Variants in GALNT13 observed in about 807,000 individuals in gnomAD.
GALNT13 encodes UDP-GalNAc:polypeptide N-acetylgalactosaminyltransferase 13.
Under a neutral mutation model 64.2 loss-of-function variants are expected in GALNT13, and 28 were observed. The ratio of observed to expected loss-of-function variants is 0.44; its 90% CI spans 0.32 to 0.60. The LOEUF (loss-of-function observed/expected upper bound fraction) is 0.60. Among genes scored for constraint, GALNT13 ranks in the 20% least tolerant of loss-of-function variants. GALNT13 has a pLI of 0.05. For synonymous variants in GALNT13, 214 were observed against 224.6 expected (o/e 0.95, Z 0.42); for missense variants, 577 against 669.8 (o/e 0.86, Z 1.53).
the GALNT13 span, among the ~76,000 whole-genome samples, chr2:153,810,103 G>C: frequency 6.6e-6 from 1 of 152,096 alleles, no homozygotes; most frequent in Non-Finnish European, 1.5e-5. Flanking sequence ...TGGGACTGCA[G>C]GCGCCCGCCA....
chr2:153,286,049 AAG>A, the GALNT13 span, among the ~76,000 whole-genome samples: 1 of 152,156 alleles, frequency 6.6e-6, no homozygotes, highest in Admixed American at 6.5e-5. Context: ...TAATAGCAGA[AAG>A]AGATGGTCAG....
the GALNT13 span, among the ~76,000 whole-genome samples, chr2:153,777,826 C>T: frequency 1.3e-5 from 2 of 152,084 alleles, no homozygotes; most frequent in Non-Finnish European, 2.9e-5. Context: ...TTTAGCCATC[C>T]GTAGGTGGCT....
At chr2:153,742,418 C>T in the GALNT13 span, among the ~76,000 whole-genome samples, 1 of 151,890 alleles carries the variant, frequency 6.6e-6, no homozygotes, top group African/African-American at 2.4e-5. Flanking sequence ...TTTTCTTTCT[C>T]AAAATTAGTT....
At chr2:153,396,003 T>C in the GALNT13 span, among the ~76,000 whole-genome samples, 1 of 152,172 alleles carries the variant, frequency 6.6e-6, no homozygotes, top group East Asian at 1.9e-4. Context: ...TCTGATGTTA[T>C]ATTGTGAAAA....
chr2:153,470,926 T>C, the GALNT13 span, among the ~76,000 whole-genome samples: 2 of 152,186 alleles, frequency 1.3e-5, no homozygotes. Context: ...GAGCTGAATT[T>C]GTAGAAAATT....
chr2:154,194,475 A>C (rs1022937701), intron 4 of GALNT13, among the ~76,000 whole-genome samples: 3 of 152,208 alleles, frequency 2.0e-5, no homozygotes, highest in Non-Finnish European at 4.4e-5. Context: ...CCTAGATTTT[A>C]GTTCAGCCTT....
At chr2:153,518,837 A>C in the GALNT13 span, among the ~76,000 whole-genome samples, 1 of 152,094 alleles carries the variant, frequency 6.6e-6, no homozygotes, top group South Asian at 2.1e-4. Flanking sequence ...TGGGTTTCAT[A>C]TGAATTGAGA....
At chr2:153,866,366 G>T in the GALNT13 span, among the ~76,000 whole-genome samples, 1 of 152,038 alleles carries the variant, frequency 6.6e-6, no homozygotes, top group Non-Finnish European at 1.5e-5. Context: ...TTTACTGTAC[G>T]AAAGGCACTG....
chr2:153,288,476 A>G, the GALNT13 span, among the ~76,000 whole-genome samples: 14 of 152,190 alleles, frequency 9.2e-5, no homozygotes, highest in Non-Finnish European at 2.1e-4. Context: ...GCCTGATGAA[A>G]TCTCACATTG....
intron 9 of GALNT13, among the ~76,000 whole-genome samples, chr2:154,323,321 A>G (rs1431880400): frequency 1.3e-5 from 2 of 151,898 alleles, no homozygotes; most frequent in Admixed American, 6.6e-5. Context: ...GTAGCAAAGT[A>G]TTTGTGTCCA....
the GALNT13 span, among the ~76,000 whole-genome samples, chr2:153,732,666 T>C: frequency 1.1e-4 from 17 of 152,086 alleles, no homozygotes; most frequent in Non-Finnish European, 2.2e-4. Context: ...CATATTCATG[T>C]AAGTTGAAGA....
chr2:153,786,583 A>T, the GALNT13 span, among the ~76,000 whole-genome samples: 5 of 151,860 alleles, frequency 3.3e-5, no homozygotes, highest in Non-Finnish European at 5.9e-5. Context: ...CACAATTATG[A>T]TACTGAGAGG....
At chr2:153,807,235 A>G in the GALNT13 span, among the ~76,000 whole-genome samples, 1 of 136,294 alleles carries the variant, frequency 7.3e-6, no homozygotes, top group Non-Finnish European at 1.6e-5. Context: ...TATATTAGAT[A>G]GATAGACATA....
chr2:153,138,725 C>G, the GALNT13 span, among the ~76,000 whole-genome samples: 16 of 152,016 alleles, frequency 1.1e-4, no homozygotes, highest in Non-Finnish European at 1.2e-4. Context: ...CTTGAAATAT[C>G]TTCTTCTCCC....
rs1834194 is a variant in GALNT13 at position 154,043,455 on chromosome 2, T to A, written c.143-96882T>A. ...ATATATATATATATATATATATATATACACACATGTATACATAAAAACATG... is the reference window on the plus strand; with the variant it reads ...ATATATATATATATATATATATATAAACACACATGTATACATAAAAACATG... On this transcript the variant is annotated intron_variant, in intron 3 of 12. Transcript: ENST00000392825. Among the ~76,000 whole-genome samples, 2 of 105,004 alleles carry A rather than the reference T, an allele frequency of 1.9e-5. 1 individual carries two copies. The highest frequency in any genetic ancestry group is 3.6e-5 in the Non-Finnish European group (2 of 55,488). The allele number at this position is 105,004 out of a possible 152,430, so 68.9% of individuals were successfully genotyped here.
chr2:153,720,666 A>G, the GALNT13 span, among the ~76,000 whole-genome samples: 1 of 151,730 alleles, frequency 6.6e-6, no homozygotes. Flanking sequence ...TGAAGAATGC[A>G]GAAGCCTCAG....
the GALNT13 span, among the ~76,000 whole-genome samples, chr2:153,298,422 C>A: frequency 6.6e-6 from 1 of 152,102 alleles, no homozygotes; most frequent in Non-Finnish European, 1.5e-5. Flanking sequence ...AGATTCAGTT[C>A]CTGAAGACAT....
chr2:153,737,872 G>T, the GALNT13 span, among the ~76,000 whole-genome samples: 1 of 151,778 alleles, frequency 6.6e-6, no homozygotes, highest in Non-Finnish European at 1.5e-5. Flanking sequence ...TCTAATATAG[G>T]CTACTTAAGT....
rs781028680 is a variant in GALNT13 at position 154,242,082 on chromosome 2, G to A, written c.364G>A (p.Val122Met). ...DELPNTSVVIVFHNEAWSTLL... is the reference protein window; with the variant it reads ...DELPNTSVVIMFHNEAWSTLL... ...ACTTCCAAACACAAGTGTAGTCATT[G>A]TGTTTCATAATGAAGCTTGGAGCAC... The change falls in exon 5 of 13, where the codon GTG becomes ATG. Residue 122 changes from valine to methionine, a missense_variant. Coordinates refer to ENST00000392825, the MANE Select transcript of GALNT13 (RefSeq NM_052917.4). 1 of 1,611,002 alleles carries A rather than the reference G, an allele frequency of 6.2e-7. No individual in the cohort carries two copies. The highest frequency in any genetic ancestry group is 1.7e-5 in the Admixed American group (1 of 59,884).
Sources: allele counts gnomAD v4.1 joint callset (sites outside exome capture counted in the v4.1 genomes callset), GRCh38; gene constraint gnomAD v4.1.1; transcripts MANE v1.5; gene names NCBI Gene and HGNC (gene_info 2026-07-23, HGNC 2026-07-21).